SPMIP2: variants seen among roughly 807,000 people sequenced by gnomAD.
SPMIP2 encodes sperm microtubule inner protein 2.
chr4:158,988,570 A>G, the SPMIP2 span, among the ~76,000 whole-genome samples: 5 of 152,236 alleles, frequency 3.3e-5, no homozygotes, highest in African/African-American at 1.2e-4. Context: ...TCTGGGATGC[A>G]AGGCTGGTTC....
At chr4:159,048,372 T>C in the SPMIP2 span, among the ~76,000 whole-genome samples, 5 of 152,206 alleles carry the variant, frequency 3.3e-5, no homozygotes, top group Admixed American at 6.5e-5. Context: ...TCACGGCGCA[T>C]GTTTTCCCAC....
chr4:158,941,982 G>A, the SPMIP2 span, among the ~76,000 whole-genome samples: 179 of 152,236 alleles, frequency 1.2e-3, no homozygotes, highest in African/African-American at 4.0e-3. Flanking sequence ...AGTGACTTTG[G>A]TTCTGGTAGA....
the SPMIP2 span, among the ~76,000 whole-genome samples, chr4:158,959,313 C>T: frequency 2.0e-5 from 3 of 152,120 alleles, no homozygotes; most frequent in Non-Finnish European, 4.4e-5. Context: ...GCCTGCAATG[C>T]TATCTAAACA....
At chr4:159,067,845 C>T in the SPMIP2 span, among the ~76,000 whole-genome samples, 1 of 152,174 alleles carries the variant, frequency 6.6e-6, no homozygotes, top group Admixed American at 6.5e-5. Flanking sequence ...AAAAAGTGGG[C>T]AAAGGATATG....
the SPMIP2 span, among the ~76,000 whole-genome samples, chr4:158,952,537 C>CATGAAA: frequency 6.6e-6 from 1 of 152,152 alleles, no homozygotes; most frequent in Non-Finnish European, 1.5e-5. Context: ...TTATCAGCAG[C>CATGAAA]ATGAAAATGG....
chr4:159,017,573 C>A, the SPMIP2 span, among the ~76,000 whole-genome samples: 4 of 152,100 alleles, frequency 2.6e-5, no homozygotes, highest in Admixed American at 2.6e-4. Context: ...CTAACACGAT[C>A]TTTTTAGTGT....
At chr4:159,082,145 C>T in the SPMIP2 span, among the ~76,000 whole-genome samples, 14 of 147,538 alleles carry the variant, frequency 9.5e-5, no homozygotes, top group Admixed American at 2.1e-4. Context: ...TGGCAAAACC[C>T]TATCTCTGCT....
the SPMIP2 span, among the ~76,000 whole-genome samples, chr4:158,928,817 C>T: frequency 4.6e-5 from 7 of 152,168 alleles, no homozygotes; most frequent in East Asian, 1.4e-3. Context: ...CACGAGCCCA[C>T]CGGGAGGAAC....
At chr4:159,081,953 C>A in the SPMIP2 span, among the ~76,000 whole-genome samples, 1 of 151,982 alleles carries the variant, frequency 6.6e-6, no homozygotes, top group South Asian at 2.1e-4. Flanking sequence ...TCATATTTTC[C>A]CATCCAGACT....
the SPMIP2 span, among the ~76,000 whole-genome samples, chr4:158,988,914 G>C: frequency 1.3e-5 from 2 of 152,044 alleles, no homozygotes; most frequent in African/African-American, 2.4e-5. Flanking sequence ...AGAAATAAAG[G>C]GTATTCACAT....
the SPMIP2 span, among the ~76,000 whole-genome samples, chr4:158,983,995 C>A: frequency 9.4e-6 from 1 of 106,338 alleles, no homozygotes; most frequent in East Asian, 2.8e-4. Context: ...GGTTGCAATC[C>A]TAGTCTCTGA....
At chr4:159,063,311 C>A in the SPMIP2 span, among the ~76,000 whole-genome samples, 1 of 152,144 alleles carries the variant, frequency 6.6e-6, no homozygotes, top group South Asian at 2.1e-4. Context: ...GTAATCCCAG[C>A]ACTTTGGGAG....
At chr4:158,900,350 A>G in the SPMIP2 span, among the ~76,000 whole-genome samples, 422 of 152,266 alleles carry the variant, frequency 2.8e-3, 3 homozygotes, top group African/African-American at 9.6e-3. Flanking sequence ...GTAGATGTCT[A>G]TTAGGTCTGC....
the SPMIP2 span, among the ~76,000 whole-genome samples, chr4:159,014,209 C>A: frequency 6.6e-6 from 1 of 152,158 alleles, no homozygotes; most frequent in Non-Finnish European, 1.5e-5. Context: ...AATCTCAGCA[C>A]TTTGGGAGGC....
the SPMIP2 span, among the ~76,000 whole-genome samples, chr4:158,964,543 C>T: frequency 1.2e-4 from 18 of 152,184 alleles, no homozygotes; most frequent in African/African-American, 1.9e-4. Context: ...TTTCATAGAT[C>T]GGAAAACTGA....
At chr4:158,916,502 C>G in the SPMIP2 span, among the ~76,000 whole-genome samples, 1 of 152,158 alleles carries the variant, frequency 6.6e-6, no homozygotes, top group African/African-American at 2.4e-5. Context: ...CTGTCTCCAG[C>G]AGACCCTCCC....
At chr4:159,007,413 A>C in the SPMIP2 span, 1 of 668,750 alleles carries the variant, frequency 1.5e-6, no homozygotes, top group Non-Finnish European at 2.8e-6. Flanking sequence ...AGGAATGAGA[A>C]GGTCCTGTTC....
At chr4:159,003,185 G>T in the SPMIP2 span, among the ~76,000 whole-genome samples, 1 of 152,066 alleles carries the variant, frequency 6.6e-6, no homozygotes, top group Non-Finnish European at 1.5e-5. Flanking sequence ...GTTCGCAATT[G>T]GTTTACAGCA....
the SPMIP2 span, among the ~76,000 whole-genome samples, chr4:159,019,447 T>A: frequency 6.6e-6 from 1 of 152,152 alleles, no homozygotes; most frequent in African/African-American, 2.4e-5. Flanking sequence ...TTTCTCTGAT[T>A]GCAAGGAAGG....
Sources: allele counts gnomAD v4.1 joint callset (sites outside exome capture counted in the v4.1 genomes callset), GRCh38; gene constraint gnomAD v4.1.1; transcripts MANE v1.5; gene names NCBI Gene and HGNC (gene_info 2026-07-23, HGNC 2026-07-21).